Variants in SLC40A1 observed in about 807,000 individuals in gnomAD.
SLC40A1 encodes solute carrier family 40 member 1.
A neutral mutation model predicts 53.5 loss-of-function variants in SLC40A1; 16 were observed. The ratio of observed to expected loss-of-function variants is 0.30; its 90% CI spans 0.20 to 0.45. SLC40A1 has a LOEUF of 0.45. Among genes scored for constraint, SLC40A1 ranks in the 20% least tolerant of loss-of-function variants. SLC40A1 has a pLI of 1.00. For synonymous variants in SLC40A1, 247 were observed against 253.2 expected, an observed-to-expected ratio of 0.98 and a Z score of 0.23; for missense variants, 545 against 695.4, an observed-to-expected ratio of 0.78 and a Z score of 2.43.
chr2:189,571,016 T>C (rs2031108761), intron 5 of SLC40A1, among the ~76,000 whole-genome samples: 1 of 152,172 alleles, frequency 6.6e-6, no homozygotes, highest in Non-Finnish European at 1.5e-5. Flanking sequence ...GTGTGTCATA[T>C]GAGGGGACGG....
intron 7 of SLC40A1, among the ~76,000 whole-genome samples, chr2:189,562,729 T>C (rs971903719): frequency 6.6e-6 from 1 of 152,160 alleles, no homozygotes; most frequent in Non-Finnish European, 1.5e-5. Flanking sequence ...TCAGAGATAA[T>C]TCATCAGTAC....
rs745708294 is a variant in SLC40A1 at position 189,563,949 on chromosome 2, A to G, written c.1037T>C (p.Met346Thr). The change falls in exon 7 of 8, where the codon ATG (methionine) becomes ACG (threonine). Residue 346 changes from methionine (M) to threonine (T), a missense_variant. Met to Thr is a moderately conservative substitution (Grantham distance 81, BLOSUM62 -1). Around this residue, in one of 4 missense-constraint regions of SLC40A1, gnomAD observed 234 missense variants for 299.0 expected, o/e 0.78. Transcript: ENST00000261024. ...TATTCCAGTTATAGCTGATGCTCCCATCAAAATACTGAGGATGGAACCACT... is the reference window on the plus strand; with the variant it reads ...TATTCCAGTTATAGCTGATGCTCCCGTCAAAATACTGAGGATGGAACCACT... ...GLSGSILSIL[M>T]GASAITGIMG... 1.2e-6 allele frequency: 2 copies of G among 1,614,050 alleles called. No homozygotes were observed. The highest frequency in any genetic ancestry group is 2.7e-5 in the African/African-American group (2 of 74,932).
Position 189,566,164 on chromosome 2 carries a change from A to C in SLC40A1, c.515-565T>G, listed in dbSNP as rs189727014. On this transcript the variant is annotated intron_variant, in intron 5 of 7. Transcript: ENST00000261024. Reference sequence around the variant, plus strand: ...CCAGGGGAATGTTCTAAATAAGGCGAGGTCAGAGGACTCACTGAAAAAAAG... The same window carrying C: ...CCAGGGGAATGTTCTAAATAAGGCGCGGTCAGAGGACTCACTGAAAAAAAG... Among the ~76,000 whole-genome samples, 4 of 152,280 alleles carry C rather than the reference A, an allele frequency of 2.6e-5. No individual in the cohort carries two copies. The East Asian group carries it at 5.8e-4, about 22-fold the overall frequency.
At chr2:189,569,212 T>C (rs2031045754) in intron 5 of SLC40A1, among the ~76,000 whole-genome samples, 1 of 152,200 alleles carries the variant, frequency 6.6e-6, no homozygotes, top group Non-Finnish European at 1.5e-5. Flanking sequence ...TAAAACAATC[T>C]CTAAAATTAA....
At position 189,575,254 on chromosome 2, in the gene SLC40A1, A is replaced by G. The variant is rs1209177086; in HGVS notation, c.178T>C (p.Leu60=). 1 of 1,614,142 alleles carries G rather than the reference A, an allele frequency of 6.2e-7. No individual in the cohort carries two copies. Among genetic ancestry groups the G allele is most frequent in the Non-Finnish European group, 8.5e-7 (1 of 1,179,992 alleles). Residue 60 remains leucine, a synonymous_variant, in exon 3 of 8, where the codon TTG becomes CTG. Transcript: ENST00000261024. Reference sequence around the variant, plus strand: ...ACCACCAGCCCGTAGACTGCTGTCAAAAGGAGGCTGTTTCCATAGAGCTCT... The same window carrying G: ...ACCACCAGCCCGTAGACTGCTGTCAGAAGGAGGCTGTTTCCATAGAGCTCT... The part of the protein sequence containing the change: ...LVELYGNSLL[L]TAVYGLVVAG...
chr2:189,575,155 A>T lies in SLC40A1; in HGVS notation c.271+6T>A, dbSNP rs1271215866. 50 of 1,613,714 alleles carry T rather than the reference A, an allele frequency of 3.1e-5. 1 individual carries two copies. The highest frequency in any genetic ancestry group is 4.2e-5 in the Non-Finnish European group (50 of 1,179,862). ...TAAAAGGGCTTAATTATATAACAACACTCACCTTTAAGTCTAGCATTCTTG... is the reference window on the plus strand; with the variant it reads ...TAAAAGGGCTTAATTATATAACAACTCTCACCTTTAAGTCTAGCATTCTTG... On this transcript the variant is annotated splice_donor_region_variant and intron_variant, in intron 3 of 7. Coordinates refer to ENST00000261024, the MANE Select transcript of SLC40A1 (RefSeq NM_014585.6).
intron 4 of SLC40A1, among the ~76,000 whole-genome samples, chr2:189,572,263 T>A (rs2031154597): frequency 6.6e-6 from 1 of 152,176 alleles, no homozygotes; most frequent in Admixed American, 6.6e-5. Context: ...CACTTTGTCT[T>A]AATTTTTTCA....
chr2:189,579,753 A>T, intron 2 of SLC40A1, 60 bp downstream of exon 2: 1 of 1,453,426 alleles, frequency 6.9e-7, no homozygotes. Flanking sequence ...ACAACTGGCT[A>T]GAACGAAAGG....
rs755930879 is a variant in SLC40A1, at chr2:189,580,486, T to C, written c.-26A>G. 1.7e-5 allele frequency: 28 copies of C among 1,613,034 alleles called. No individual in the cohort carries two copies. Among genetic ancestry groups the C allele is most frequent in the Non-Finnish European group, 2.4e-5 (28 of 1,180,000 alleles). The stretch of plus-strand genomic sequence containing the variant: ...GACACTAGGCGACCCCGCTGGCTCT[T>C]CTGCGGCTGCTATCGCTGCTGCTGC... On this transcript the variant is annotated 5_prime_UTR_variant, in exon 1 of 8. Coordinates refer to ENST00000261024, the MANE Select transcript of SLC40A1 (RefSeq NM_014585.6).
At position 189,575,104 on chromosome 2, in the gene SLC40A1, G is replaced by A. The variant is rs961251108; in HGVS notation, c.271+57C>T. 5.7e-6 allele frequency: 9 copies of A among 1,574,758 alleles called. No homozygotes were observed. The African/African-American group carries it at 1.1e-4, about 19-fold the overall frequency. On this transcript the variant is annotated intron_variant, in intron 3 of 7. Coordinates refer to ENST00000261024, the MANE Select transcript of SLC40A1 (RefSeq NM_014585.6). ...AGTTTGTTGTTTCCTTTGCTACAGAGGTAGCTCAGGCATTGGTCCCATGAA... is the reference window on the plus strand; with the variant it reads ...AGTTTGTTGTTTCCTTTGCTACAGAAGTAGCTCAGGCATTGGTCCCATGAA...
In SLC40A1 at chr2:189,580,755, C is replaced by T. The variant is rs2031443415; in HGVS notation, c.-295G>A. ...AGGTCGTCCGAGCCTAGCGGACGCC[C>T]TGAGCCAGCTCTCTCCGCCGCCGCC... On this transcript the variant is annotated 5_prime_UTR_variant, in exon 1 of 8. Transcript: ENST00000261024. 1 of 1,326,592 alleles carries T rather than the reference C, an allele frequency of 7.5e-7. No homozygotes were observed. The highest frequency in any genetic ancestry group is 1.5e-5 in the South Asian group (1 of 66,230). The allele number at this position is 1,326,592 out of a possible 1,614,324, so 82.2% of individuals were successfully genotyped here.
In SLC40A1 at chr2:189,563,614, G is replaced by C. The variant is rs141801834; in HGVS notation, c.1372C>G (p.Leu458Val). Reference sequence around the variant, plus strand: ...CTAGCAGCAATGACGCCTGCAAACAGCAGACTGACAGAGATTATGGGCACA... The same window carrying C: ...CTAGCAGCAATGACGCCTGCAAACACCAGACTGACAGAGATTATGGGCACA... ...ESVPIISVSL[L>V]FAGVIAARIG... Residue 458 changes from leucine (L) to valine (V), a missense_variant, in exon 7 of 8, where the codon CTG becomes GTG. Coordinates refer to ENST00000261024, the MANE Select transcript of SLC40A1 (RefSeq NM_014585.6). The C allele has an allele frequency of 6.2e-7, 1 of 1,613,896 alleles. No homozygotes were observed. The highest frequency in any genetic ancestry group is 1.3e-5 in the African/African-American group (1 of 74,892).
chr2:189,565,963 TC>T (rs2030925860), intron 5 of SLC40A1, among the ~76,000 whole-genome samples: 1 of 152,172 alleles, frequency 6.6e-6, no homozygotes, highest in Non-Finnish European at 1.5e-5. Context: ...GTAACATTCT[TC>T]CCTGTCTTCA....
At chr2:189,564,988 T>G (rs947920435) in intron 6 of SLC40A1, among the ~76,000 whole-genome samples, 28 of 152,358 alleles carry the variant, frequency 1.8e-4, no homozygotes, top group Admixed American at 8.5e-4. Flanking sequence ...TACAAATGAC[T>G]ACATAACTCC....
Position 189,564,143 on chromosome 2 carries a change from C to T in SLC40A1, c.843G>A (p.Glu281=). 1 of 1,612,576 alleles carries T rather than the reference C, an allele frequency of 6.2e-7. No individual in the cohort carries two copies. The highest frequency in any genetic ancestry group is 8.5e-7 in the Non-Finnish European group (1 of 1,179,536). ...CAGCCATCTGGGAGGCACAAGTAGGCTCTTGCTCATGTTCAAGCTCATGGA... is the reference window on the plus strand; with the variant it reads ...CAGCCATCTGGGAGGCACAAGTAGGTTCTTGCTCATGTTCAAGCTCATGGA... ...SNIHELEHEQ[E]PTCASQMAEP... Residue 281 remains glutamate, a synonymous_variant, in exon 7 of 8, where the codon GAG becomes GAA. Coordinates refer to ENST00000261024, the MANE Select transcript of SLC40A1 (RefSeq NM_014585.6).
At chr2:189,580,342 A>T in intron 1 of SLC40A1, 76 bp downstream of exon 1, 2 of 1,414,130 alleles carry the variant, frequency 1.4e-6, no homozygotes, top group Admixed American at 1.7e-5. Flanking sequence ...ACATTCCTCC[A>T]GAACTCGTGT....
chr2:189,574,007 G>C (rs2031214660), intron 3 of SLC40A1, among the ~76,000 whole-genome samples: 1 of 152,202 alleles, frequency 6.6e-6, no homozygotes, highest in African/African-American at 2.4e-5. Context: ...CATTATATCT[G>C]TGTAAGAGCA....
chr2:189,563,370 A>G (rs764249825), intron 7 of SLC40A1, among the ~76,000 whole-genome samples: 1 of 152,040 alleles, frequency 6.6e-6, no homozygotes, highest in Non-Finnish European at 1.5e-5. Context: ...AAGTATATGT[A>G]TATAATAAAG....
intron 4 of SLC40A1, 37 bp from the exon 5 acceptor site, chr2:189,571,878 A>C: frequency 3.1e-6 from 4 of 1,309,394 alleles, no homozygotes; most frequent in Non-Finnish European, 4.4e-6. Context: ...TTATAATGTC[A>C]GTTTACCACA....
Sources: allele counts gnomAD v4.1 joint callset (sites outside exome capture counted in the v4.1 genomes callset), GRCh38; gene constraint gnomAD v4.1.1; regional missense constraint gnomAD v4.1.1; transcripts MANE v1.5; gene names NCBI Gene and HGNC (gene_info 2026-07-23, HGNC 2026-07-21).